The following TBC1D32 variants were observed in gnomAD, a reference collection of about 807,000 sequenced individuals.
The protein encoded by TBC1D32 is TBC1 domain family member 32.
TBC1D32 carries 151 observed loss-of-function variants against 170.3 expected under a neutral mutation model. The ratio of observed to expected loss-of-function variants is 0.89; its 90% CI spans 0.78 to 1.01. TBC1D32 has a LOEUF of 1.01. TBC1D32 is among the 50% of genes least tolerant of loss of function. The pLI is 0.00. For missense variants in TBC1D32, 1,464 were observed against 1,457.1 expected, an observed-to-expected ratio of 1.00 and a Z score of -0.08; for synonymous variants, 498 against 488.0, an observed-to-expected ratio of 1.02 and a Z score of -0.27.
intron 30 of TBC1D32, among the ~76,000 whole-genome samples, chr6:121,100,126 G>A (rs143882673): frequency 6.6e-5 from 10 of 151,960 alleles, no homozygotes; most frequent in African/African-American, 2.4e-4. Context: ...ACTGTGGTCT[G>A]AGAGACAGTT....
chr6:121,255,617 T>A (rs1327968450), intron 16 of TBC1D32, among the ~76,000 whole-genome samples: 1 of 151,710 alleles, frequency 6.6e-6, no homozygotes, highest in Non-Finnish European at 1.5e-5. Context: ...CTTCAAATTT[T>A]AAATTATTTG....
chr6:121,293,198 T>G (rs1276079907), intron 11 of TBC1D32, among the ~76,000 whole-genome samples: 2 of 149,916 alleles, frequency 1.3e-5, no homozygotes, highest in Non-Finnish European at 3.0e-5. Context: ...AGCAAAACCA[T>G]GAAGGACTAA....
At chr6:121,324,266 C>A (rs1240575426) in intron 1 of TBC1D32, among the ~76,000 whole-genome samples, 2 of 152,028 alleles carry the variant, frequency 1.3e-5, no homozygotes, top group Middle Eastern at 3.2e-3. Context: ...ATTTCAATTT[C>A]TTTCATTTTG....
At position 121,159,012 on chromosome 6, in the gene TBC1D32, C is replaced by T. The variant is rs542526937; in HGVS notation, c.2773+998G>A. 6.6e-5 allele frequency among the ~76,000 whole-genome samples: 10 copies of T among 152,268 alleles called. No homozygotes were observed. In the East Asian group the frequency reaches 1.4e-3, roughly 21 times the overall value. On this transcript the variant is annotated intron_variant, in intron 24 of 31. Coordinates refer to ENST00000398212, the MANE Select transcript of TBC1D32 (RefSeq NM_152730.6). ...CAAATCTCAGACATTGTTCAACTAC[C>T]ACAGTTCTCTGACTATAACTTGCTT...
intron 11 of TBC1D32, among the ~76,000 whole-genome samples, chr6:121,292,538 GT>G (rs1031002226): frequency 2.6e-5 from 4 of 152,122 alleles, no homozygotes; most frequent in African/African-American, 9.7e-5. Flanking sequence ...GTTAGTTACT[GT>G]TTAATTCCAC....
intron 17 of TBC1D32, 62 bp from the exon 18 acceptor site, chr6:121,242,401 T>C: frequency 6.5e-7 from 1 of 1,537,498 alleles, no homozygotes; most frequent in East Asian, 2.3e-5. Context: ...AAACAAAGAG[T>C]ATGTCTTAGC....
intron 26 of TBC1D32, 78 bp from the exon 27 acceptor site, chr6:121,115,319 A>C: frequency 4.8e-6 from 5 of 1,047,514 alleles, no homozygotes. Context: ...AAATTGATGA[A>C]AGCAATATTT....
intron 22 of TBC1D32, among the ~76,000 whole-genome samples, chr6:121,175,803 T>C (rs894420017): frequency 2.0e-5 from 3 of 152,202 alleles, no homozygotes; most frequent in African/African-American, 7.2e-5. Context: ...AAACTGCCAA[T>C]TATTTTTTAA....
At chr6:121,145,998 T>A (rs1011000185) in intron 24 of TBC1D32, among the ~76,000 whole-genome samples, 1 of 152,100 alleles carries the variant, frequency 6.6e-6, no homozygotes, top group African/African-American at 2.4e-5. Context: ...AGAAAACAGT[T>A]TAAAGCCTTG....
Position 121,080,892 on chromosome 6 carries a change from T to A in TBC1D32, c.3655-2A>T. On this transcript the variant is annotated splice_acceptor_variant, in intron 31 of 31. Transcript: ENST00000398212. LOFTEE classifies it high-confidence loss of function. Reference sequence around the variant, plus strand: ...TCGAAACCCATGCAGTGCTTCTTCCTGCCAAAAATTACAAAGGGAAAATTA... The same window carrying A: ...TCGAAACCCATGCAGTGCTTCTTCCAGCCAAAAATTACAAAGGGAAAATTA... The A allele has an allele frequency of 6.2e-7, 1 of 1,602,616 alleles. No homozygotes were observed.
intron 24 of TBC1D32, among the ~76,000 whole-genome samples, chr6:121,148,188 A>G (rs1027157583): frequency 1.3e-5 from 2 of 151,654 alleles, no homozygotes; most frequent in Admixed American, 6.6e-5. Flanking sequence ...CCCTGTGCCC[A>G]TATGTTCTCA....
intron 8 of TBC1D32, 25 bp from the exon 9 acceptor site, chr6:121,303,786 A>G: frequency 6.8e-7 from 1 of 1,460,560 alleles, no homozygotes; most frequent in Non-Finnish European, 9.3e-7. Flanking sequence ...AAAAAGAAAT[A>G]CAATTACACA....
At chr6:121,131,994 A>T (rs1314984487) in intron 24 of TBC1D32, among the ~76,000 whole-genome samples, 2 of 151,998 alleles carry the variant, frequency 1.3e-5, no homozygotes, top group Non-Finnish European at 1.5e-5. Flanking sequence ...ATTTGTAACC[A>T]TAATTCTTGA....
At chr6:121,307,687 G>A (rs936051775) in intron 5 of TBC1D32, among the ~76,000 whole-genome samples, 5 of 151,796 alleles carry the variant, frequency 3.3e-5, no homozygotes, top group Admixed American at 6.6e-5. Context: ...TGGTCAAACC[G>A]CATCTCTGCT....
chr6:121,095,989 T>C (rs1777358276), intron 30 of TBC1D32: 1 of 152,228 alleles, frequency 6.6e-6, no homozygotes, highest in Admixed American at 6.6e-5. Context: ...TTGTTTGGAA[T>C]AGTTTCAGAA....
intron 30 of TBC1D32, among the ~76,000 whole-genome samples, chr6:121,099,433 C>T (rs1198231870): frequency 6.6e-6 from 1 of 151,814 alleles, no homozygotes; most frequent in South Asian, 2.1e-4. Flanking sequence ...ATATGCATTT[C>T]TTGCTACATT....
rs749248079 is a variant in TBC1D32 at position 121,310,827 on chromosome 6, T to C, written c.516A>G (p.Gly172=). Residue 172 remains glycine, a synonymous_variant, in exon 4 of 32, where the codon GGA becomes GGG. Coordinates refer to ENST00000398212, the MANE Select transcript of TBC1D32 (RefSeq NM_152730.6). ...ACTGGTCTAAAATCAATTGTAATTT[T>C]CCTTGACAAAATTTGTAACTCTGTA... is the stretch of plus-strand genomic sequence containing the variant. ...SLNQSYKFCQ[G]KLQLILDQLD... 1 of 1,588,606 alleles carries C rather than the reference T, an allele frequency of 6.3e-7. No homozygotes were observed. Among genetic ancestry groups the C allele is most frequent in the Non-Finnish European group, 8.6e-7 (1 of 1,162,960 alleles).
chr6:121,142,543 T>G (rs1451942096), intron 24 of TBC1D32, among the ~76,000 whole-genome samples: 1 of 152,302 alleles, frequency 6.6e-6, no homozygotes, highest in East Asian at 1.9e-4. Context: ...TGAATAAACA[T>G]TATAAAAGTA....
At chr6:121,112,975 T>C in intron 28 of TBC1D32, 87 bp downstream of exon 28, 2 of 938,834 alleles carry the variant, frequency 2.1e-6, no homozygotes, top group Non-Finnish European at 3.3e-6. Flanking sequence ...ACTACTTTAC[T>C]ATAAATGTGT....
Sources: gnomAD v4.1 joint callset for allele counts (sites outside exome capture counted in the v4.1 genomes callset) on GRCh38, gnomAD v4.1.1 for gene constraint, MANE v1.5 for transcripts, NCBI Gene and HGNC (gene_info 2026-07-23, HGNC 2026-07-21) for gene names.